PPEF2: variants seen among roughly 807,000 people sequenced by gnomAD.
PPEF2 encodes the protein protein phosphatase with EF-hand domain 2, also known as serine/threonine-protein phosphatase with EF-hands 2.
In PPEF2, 84 loss-of-function variants were observed where a neutral mutation model predicts 84.7. The ratio of observed to expected loss-of-function variants is 0.99; its 90% CI spans 0.83 to 1.19. The LOEUF (loss-of-function observed/expected upper bound fraction) is 1.19, where lower values mean the gene tolerates loss of function less well. PPEF2 is among the 50% of genes most tolerant of loss of function. The probability of loss-of-function intolerance (pLI) is 0.00; values close to 1 mark genes in which losing one functional copy is unlikely to be tolerated. For synonymous variants in PPEF2, 346 were observed against 345.2 expected (o/e 1.00, Z -0.03); for missense variants, 924 against 937.5 (o/e 0.99, Z 0.19).
In PPEF2 at chr4:75,870,635, A is replaced by C. The variant is rs921175181; in HGVS notation, c.1649+1390T>G. On this transcript the variant is annotated intron_variant, in intron 13 of 16. Transcript: ENST00000286719. ...TTGTAGGAGGCAATATTGCATAGAC[A>C]TTAAAAGTGTGGGTTCTGAAATAGA... 9.2e-5 allele frequency among the ~76,000 whole-genome samples: 14 copies of C among 152,200 alleles called. 1 individual carries two copies. The highest frequency in any genetic ancestry group is 3.4e-4 in the African/African-American group (14 of 41,452).
At chr4:75,890,593 T>C (rs1724854623) in intron 4 of PPEF2, among the ~76,000 whole-genome samples, 1 of 151,858 alleles carries the variant, frequency 6.6e-6, no homozygotes, top group Non-Finnish European at 1.5e-5. Flanking sequence ...AAGGAGAAAG[T>C]GACAACAGTC....
chr4:75,873,680 AAG>A (rs1265635419), intron 11 of PPEF2, among the ~76,000 whole-genome samples: 13 of 152,190 alleles, frequency 8.5e-5, no homozygotes, highest in Non-Finnish European at 1.5e-4. Context: ...ATTTGCCCTA[AAG>A]AGAAGGCGCA....
At chr4:75,885,446 C>T (rs1293862712) in intron 7 of PPEF2, among the ~76,000 whole-genome samples, 2 of 152,084 alleles carry the variant, frequency 1.3e-5, no homozygotes, top group African/African-American at 4.8e-5. Flanking sequence ...TGCACCTGGC[C>T]CCTTCTAGTT....
intron 13 of PPEF2, among the ~76,000 whole-genome samples, chr4:75,869,712 A>G (rs6531996): frequency 0.99 from 150,832 of 152,142 alleles, 74,780 homozygotes; most frequent in Middle Eastern, 1. Context: ...GCTGGGCATG[A>G]TGGCGCACGC....
intron 1 of PPEF2, among the ~76,000 whole-genome samples, chr4:75,897,038 A>G (rs1203252652): frequency 2.6e-5 from 4 of 152,094 alleles, no homozygotes; most frequent in African/African-American, 9.7e-5. Flanking sequence ...CATTTTTAGT[A>G]GAGACGGGGT....
At chr4:75,868,740 T>C (rs918338112) in intron 13 of PPEF2, among the ~76,000 whole-genome samples, 1 of 152,154 alleles carries the variant, frequency 6.6e-6, no homozygotes, top group Non-Finnish European at 1.5e-5. Flanking sequence ...TGGTGGCTCA[T>C]GCCTATAATC....
intron 11 of PPEF2, 70 bp downstream of exon 11, chr4:75,876,217 T>A: frequency 6.6e-7 from 1 of 1,505,860 alleles, no homozygotes; most frequent in Non-Finnish European, 8.9e-7. Flanking sequence ...ATATCCTGAG[T>A]TTCCCTGGAA....
chr4:75,890,349 C>T (rs374033133), intron 4 of PPEF2, among the ~76,000 whole-genome samples: 73 of 152,110 alleles, frequency 4.8e-4, no homozygotes, highest in African/African-American at 1.5e-3. Context: ...TTTAGCCAGC[C>T]ATGGTGTCAC....
chr4:75,860,832 G>A lies in PPEF2; in HGVS notation c.2097C>T (p.Asp699=). The A allele has an allele frequency of 6.2e-7, 1 of 1,614,226 alleles. No homozygotes were observed. Among genetic ancestry groups the A allele is most frequent in the Non-Finnish European group, 8.5e-7 (1 of 1,180,040 alleles). ...NIDITDDCIC[D]LARSIDFNKD... is the part of the protein sequence containing the mutation. ...TGTTGAAATCAATGCTCCGAGCAAGGTCACAGATGCAGTCATCTGTAATGT... is the reference window on the plus strand; with the variant it reads ...TGTTGAAATCAATGCTCCGAGCAAGATCACAGATGCAGTCATCTGTAATGT... The change falls in exon 17 of 17, where the codon GAC becomes GAT. Residue 699 remains aspartate (D), a synonymous_variant. Transcript: ENST00000286719.
intron 8 of PPEF2, 109 bp downstream of exon 8, chr4:75,884,485 T>A (rs969321553): frequency 1.1e-5 from 15 of 1,310,598 alleles, no homozygotes; most frequent in East Asian, 7.1e-5. Flanking sequence ...TTTAAAAAAA[T>A]TGGAAAACTA....
At chr4:75,876,164 TG>T in intron 11 of PPEF2, 122 bp downstream of exon 11, 2 of 1,155,534 alleles carry the variant, frequency 1.7e-6, no homozygotes, top group Non-Finnish European at 2.4e-6. Flanking sequence ...AGTGTCCTTC[TG>T]GGGTGTTGTT....
chr4:75,863,935 C>T (rs1217426392), intron 16 of PPEF2, among the ~76,000 whole-genome samples: 2 of 150,894 alleles, frequency 1.3e-5, no homozygotes, highest in East Asian at 2.0e-4. Context: ...TCCAGTGGCA[C>T]GACCTCGGCT....
intron 15 of PPEF2, among the ~76,000 whole-genome samples, chr4:75,865,157 G>C (rs1453974704): frequency 6.6e-6 from 1 of 152,090 alleles, no homozygotes; most frequent in Middle Eastern, 3.2e-3. Flanking sequence ...GGCTAGTCTC[G>C]AACTTCCGAC....
At chr4:75,878,286 G>T (rs1724478866) in intron 10 of PPEF2, among the ~76,000 whole-genome samples, 1 of 152,224 alleles carries the variant, frequency 6.6e-6, no homozygotes, top group South Asian at 2.1e-4. Flanking sequence ...CTGATCAGGG[G>T]TCAGGCCACA....
chr4:75,871,511 C>T (rs1724277572), intron 13 of PPEF2, among the ~76,000 whole-genome samples: 1 of 152,058 alleles, frequency 6.6e-6, no homozygotes, highest in African/African-American at 2.4e-5. Context: ...TGCTCTGTCA[C>T]CCAGGCTGGA....
In PPEF2 at chr4:75,872,560, C is replaced by T. The variant is rs553940229; in HGVS notation, c.1507-393G>A. Among the ~76,000 whole-genome samples the T allele has an allele frequency of 4.6e-5, 7 of 152,210 alleles. No individual in the cohort carries two copies. In the South Asian group the frequency reaches 1.2e-3, roughly 27 times the overall value. On this transcript the variant is annotated intron_variant, in intron 12 of 16. Coordinates refer to ENST00000286719, the MANE Select transcript of PPEF2 (RefSeq NM_006239.3). Reference sequence around the variant, plus strand: ...TGTGGTGCCTTAAAGCAGTTTTCTACGGAATGTTGTGGCTCCTCAGATGGT... The same window carrying T: ...TGTGGTGCCTTAAAGCAGTTTTCTATGGAATGTTGTGGCTCCTCAGATGGT...
rs1723979770 is a variant in PPEF2, at chr4:75,860,795, T to C, written c.2134A>G (p.Ile712Val). 6.2e-7 allele frequency: 1 copy of C among 1,614,144 alleles called. No homozygotes were observed. Among genetic ancestry groups the C allele is most frequent in the South Asian group, 1.1e-5 (1 of 91,096 alleles). ...GCCTCCAGGAACTCATTGATATCAATGTGGCCATCTTTGTTGAAATCAATG... is the reference window on the plus strand; with the variant it reads ...GCCTCCAGGAACTCATTGATATCAACGTGGCCATCTTTGTTGAAATCAATG... ...RSIDFNKDGHIDINEFLEAFR... is the reference protein window; with the variant it reads ...RSIDFNKDGHVDINEFLEAFR... Residue 712 changes from isoleucine to valine, a missense_variant, in exon 17 of 17, where the codon ATT (isoleucine) becomes GTT (valine). Coordinates refer to ENST00000286719, the MANE Select transcript of PPEF2 (RefSeq NM_006239.3).
intron 4 of PPEF2, 116 bp downstream of exon 4, chr4:75,891,532 G>GCTTATT (rs1381756248): frequency 2.5e-6 from 3 of 1,196,438 alleles, no homozygotes; most frequent in Admixed American, 4.7e-5. Context: ...TCAGCCCCTT[G>GCTTATT]CTTATTCCCT....
chr4:75,871,390 G>C (rs1724274023), intron 13 of PPEF2, among the ~76,000 whole-genome samples: 1 of 152,072 alleles, frequency 6.6e-6, no homozygotes, highest in African/African-American at 2.4e-5. Context: ...AAATAGAAGA[G>C]TAACCTCAGA....
Sources: gnomAD v4.1 joint callset for allele counts (sites outside exome capture counted in the v4.1 genomes callset) on GRCh38, gnomAD v4.1.1 for gene constraint, MANE v1.5 for transcripts, NCBI Gene and HGNC (gene_info 2026-07-23, HGNC 2026-07-21) for gene names.